BAX: variants seen among roughly 807,000 people sequenced by gnomAD.
BAX encodes BCL2 associated X, apoptosis regulator.
BAX carries 21 observed loss-of-function variants against 26.8 expected under a neutral mutation model. The ratio of observed to expected loss-of-function variants is 0.78; its 90% CI spans 0.56 to 1.13. BAX has a LOEUF of 1.13. Ranked by LOEUF, BAX falls within the 50% of genes most tolerant of loss-of-function variation. The probability of loss-of-function intolerance (pLI) is 0.00; values close to 1 mark genes in which losing one functional copy is unlikely to be tolerated. For missense variants in BAX, 236 were observed against 254.6 expected (o/e 0.93, Z 0.50); for synonymous variants, 110 against 101.8 (o/e 1.08, Z -0.49).
chr19:48,955,974 C>T (rs1270188660), intron 3 of BAX, 141 bp downstream of exon 3: 3 of 1,182,750 alleles, frequency 2.5e-6, no homozygotes, highest in Admixed American at 3.1e-5. Flanking sequence ...ACTCCCAGCC[C>T]TCCTCTCTGC....
intron 1 of BAX, 26 bp downstream of exon 1, chr19:48,954,988 A>C: frequency 8.2e-7 from 1 of 1,218,032 alleles, no homozygotes; most frequent in Non-Finnish European, 1.0e-6. Context: ...GACGGGCGGG[A>C]GGAGGGCGAG....
rs1183813464 is a variant in BAX, at chr19:48,955,727, C to T, written c.127C>T (p.Pro43Ser). Residue 43 changes from proline to serine, a missense_variant, in exon 3 of 6, where the codon CCC becomes TCC. Coordinates refer to ENST00000345358, the MANE Select transcript of BAX (RefSeq NM_138761.4). ...AGCAGGGCGAATGGGGGGGGAGGCA[C>T]CCGAGCTGGCCCTGGACCCGGTGCC... Reference protein sequence around the residue: ...DRAGRMGGEAPELALDPVPQD... With the variant: ...DRAGRMGGEASELALDPVPQD... 6.2e-7 allele frequency: 1 copy of T among 1,613,122 alleles called. No individual in the cohort carries two copies. Among genetic ancestry groups the T allele is most frequent in the Non-Finnish European group, 8.5e-7 (1 of 1,179,504 alleles).
chr19:48,955,404 G>C, intron 1 of BAX, 144 bp from the exon 2 acceptor site: 3 of 885,242 alleles, frequency 3.4e-6, no homozygotes, highest in Non-Finnish European at 4.9e-6. Context: ...AGTTGTCTGG[G>C]CCCCCCCGTC....
At chr19:48,960,962 CG>C in intron 5 of BAX, 48 bp downstream of exon 5, 3 of 1,612,562 alleles carry the variant, frequency 1.9e-6, no homozygotes. Context: ...CCCTCACCAC[CG>C]CCCCTGCCCC....
chr19:48,961,369 G>C lies in BAX; in HGVS notation c.475-163G>C, dbSNP rs1242208455. The C allele has an allele frequency of 4.1e-6, 5 of 1,222,884 alleles. No individual in the cohort carries two copies. The African/African-American group carries it at 7.6e-5, about 19-fold the overall frequency. The allele number at this position is 1,222,884 out of a possible 1,614,324, so 75.8% of individuals were successfully genotyped here. Reference sequence around the variant, plus strand: ...CTCAAAGTGCTGGGATTACAGGTGTGAGCCACCATGCCTGGCCTGAGTCCA... The same window carrying C: ...CTCAAAGTGCTGGGATTACAGGTGTCAGCCACCATGCCTGGCCTGAGTCCA... On this transcript the variant is annotated intron_variant, in intron 5 of 5. Transcript: ENST00000345358.
chr19:48,957,366 C>T (rs2038182942), intron 4 of BAX, among the ~76,000 whole-genome samples: 1 of 146,484 alleles, frequency 6.8e-6, no homozygotes, highest in African/African-American at 2.5e-5. Context: ...CCTCTGCCTC[C>T]CGGGTTCAAG....
rs773265755 is a variant in BAX, at chr19:48,955,729, C to A, written c.129C>A (p.Pro43=). 1 of 1,613,220 alleles carries A rather than the reference C, an allele frequency of 6.2e-7. No homozygotes were observed. The highest frequency in any genetic ancestry group is 1.7e-5 in the Admixed American group (1 of 59,878). ...CAGGGCGAATGGGGGGGGAGGCACC[C>A]GAGCTGGCCCTGGACCCGGTGCCTC... ...DRAGRMGGEA[P]ELALDPVPQD... is the part of the protein sequence containing the mutation. Residue 43 remains proline, a synonymous_variant, in exon 3 of 6, where the codon CCC becomes CCA. Transcript: ENST00000345358.
intron 3 of BAX, 173 bp downstream of exon 3, chr19:48,956,006 C>T: frequency 8.9e-7 from 1 of 1,125,952 alleles, no homozygotes; most frequent in South Asian, 1.8e-5. Context: ...AACCCTCCTT[C>T]AGGGAGTCAT....
Position 48,956,276 on chromosome 19 carries a change from C to G in BAX, c.312C>G (p.Asn104Lys). ...CAGCTGACATGTTTTCTGACGGCAA[C>G]TTCAACTGGGGCCGGGTTGTCGCCC... Reference protein sequence around the residue: ...RVAADMFSDGNFNWGRVVALF... With the variant: ...RVAADMFSDGKFNWGRVVALF... Residue 104 changes from asparagine to lysine, a missense_variant, in exon 4 of 6, where the codon AAC (asparagine) becomes AAG (lysine). By Grantham distance (94) the Asn-to-Lys change is moderately conservative. Coordinates refer to ENST00000345358, the MANE Select transcript of BAX (RefSeq NM_138761.4). The G allele has an allele frequency of 6.3e-7, 1 of 1,590,010 alleles. No homozygotes were observed. The highest frequency in any genetic ancestry group is 8.6e-7 in the Non-Finnish European group (1 of 1,169,096).
intron 4 of BAX, 42 bp downstream of exon 4, chr19:48,956,375 CA>C (rs759655007): frequency 6.7e-7 from 1 of 1,483,580 alleles, no homozygotes; most frequent in Non-Finnish European, 9.0e-7. Flanking sequence ...TGCTCCCCCT[CA>C]GATCTGTGAG....
Position 48,956,216 on chromosome 19 carries a change from C to T in BAX, c.252C>T (p.Asp84=). ...CCTGCAGGATGATTGCCGCCGTGGA[C>T]ACAGACTCCCCCCGAGAGGTCTTTT... The part of the protein sequence containing the change: ...MELQRMIAAV[D]TDSPREVFFR... The change falls in exon 4 of 6, where the codon GAC becomes GAT. Residue 84 remains aspartate, a synonymous_variant. Transcript: ENST00000345358. 1 of 1,557,274 alleles carries T rather than the reference C, an allele frequency of 6.4e-7. No individual in the cohort carries two copies. Among genetic ancestry groups the T allele is most frequent in the Non-Finnish European group, 8.7e-7 (1 of 1,152,314 alleles).
chr19:48,959,985 T>TC (rs1436697069), intron 4 of BAX, among the ~76,000 whole-genome samples: 1 of 8,986 alleles, frequency 1.1e-4, no homozygotes, highest in Non-Finnish European at 2.5e-4. Context: ...AGAGCAAGAC[T>TC]CCATCTTAAA....
At position 48,955,776 on chromosome 19, in the gene BAX, T is replaced by C; in HGVS notation, c.176T>C (p.Leu59Pro). The C allele has an allele frequency of 6.2e-7, 1 of 1,610,580 alleles. No homozygotes were observed. The highest frequency in any genetic ancestry group is 8.5e-7 in the Non-Finnish European group (1 of 1,178,934). ...CCTCAGGATGCGTCCACCAAGAAGC[T>C]GAGCGAGTGTCTCAAGCGCATCGGG... is the stretch of plus-strand genomic sequence containing the variant. ...PVPQDASTKK[L>P]SECLKRIGDE... Residue 59 changes from leucine (L) to proline (P), a missense_variant, in exon 3 of 6, where the codon CTG (leucine) becomes CCG (proline). Physicochemically the swap from Leu to Pro is moderately conservative, Grantham distance 98. Transcript: ENST00000345358.
At chr19:48,959,026 A>G (rs939165988) in intron 4 of BAX, among the ~76,000 whole-genome samples, 4 of 151,640 alleles carry the variant, frequency 2.6e-5, no homozygotes, top group African/African-American at 7.3e-5. Flanking sequence ...GTCGGGGTCC[A>G]TGGTCAGGGG....
intron 4 of BAX, 56 bp downstream of exon 4, chr19:48,956,389 C>A: frequency 2.1e-6 from 3 of 1,451,426 alleles, no homozygotes; most frequent in Non-Finnish European, 2.7e-6. Flanking sequence ...TCTGTGAGGA[C>A]CTGGGGATCG....
chr19:48,960,776 G>T lies in BAX; in HGVS notation c.370-34G>T, dbSNP rs753745806. On this transcript the variant is annotated intron_variant, in intron 4 of 5. Transcript: ENST00000345358. ...ACTATCTCCAGGCAGTGGGGACAAG[G>T]TTCAGTCCCTAACGCCCACTCCACT... The T allele has an allele frequency of 4.5e-6, 7 of 1,550,784 alleles. No individual in the cohort carries two copies. The South Asian group carries it at 8.1e-5, about 18-fold the overall frequency.
At chr19:48,960,704 G>A in intron 4 of BAX, 106 bp from the exon 5 acceptor site, 1 of 1,037,358 alleles carries the variant, frequency 9.6e-7, no homozygotes, top group Non-Finnish European at 1.4e-6. Flanking sequence ...GTGGGTGGCA[G>A]AAATCTTTGA....
Position 48,955,563 on chromosome 19 carries a change from A to G in BAX, c.50A>G (p.Glu17Gly). 2.5e-6 allele frequency: 4 copies of G among 1,613,786 alleles called. No homozygotes were observed. Among genetic ancestry groups the G allele is most frequent in the Non-Finnish European group, 3.4e-6 (4 of 1,179,860 alleles). Reference protein sequence around the residue: ...QPRGGGPTSSEQIMKTGALLL... With the variant: ...QPRGGGPTSSGQIMKTGALLL... ...TCTCCTCTAGGGCCCACCAGCTCTG[A>G]GCAGATCATGAAGACAGGGGCCCTT... Residue 17 changes from glutamate to glycine, a missense_variant, in exon 2 of 6, where the codon GAG becomes GGG. By Grantham distance (98) the Glu-to-Gly change is moderately conservative (BLOSUM62 -2). Coordinates refer to ENST00000345358, the MANE Select transcript of BAX (RefSeq NM_138761.4).
At chr19:48,956,381 T>G in intron 4 of BAX, 48 bp downstream of exon 4, 1 of 1,464,560 alleles carries the variant, frequency 6.8e-7, no homozygotes, top group Non-Finnish European at 9.1e-7. Flanking sequence ...CCCTCAGATC[T>G]GTGAGGACCT....
Sources: allele counts gnomAD v4.1 joint callset (sites outside exome capture counted in the v4.1 genomes callset), GRCh38; gene constraint gnomAD v4.1.1; transcripts MANE v1.5; gene names NCBI Gene and HGNC (gene_info 2026-07-23, HGNC 2026-07-21).